The following KAZN variants were observed in gnomAD, a reference collection of about 807,000 sequenced individuals.
KAZN encodes the protein kazrin, periplakin interacting protein.
A neutral mutation model predicts 87.4 loss-of-function variants in KAZN; 40 were observed. That is an observed-to-expected ratio of 0.46 (90% CI 0.36 to 0.60). The LOEUF is 0.60. KAZN is among the 20% of genes least tolerant of loss of function. The pLI, the probability that KAZN is intolerant of heterozygous loss-of-function variation, is 0.00. For missense variants in KAZN, 898 were observed against 1,073.9 expected (o/e 0.84, Z 2.29); for synonymous variants, 466 against 458.3 (o/e 1.02, Z -0.22).
chr1:14,620,558 G>A (rs1033833452), intron 1 of KAZN, among the ~76,000 whole-genome samples: 6 of 152,224 alleles, frequency 3.9e-5, no homozygotes, highest in Non-Finnish European at 7.3e-5. Flanking sequence ...ATGTTGTCCA[G>A]AGGAGATTTG....
At chr1:14,057,676 G>A (rs763755932) in intron 1 of KAZN, among the ~76,000 whole-genome samples, 2 of 152,200 alleles carry the variant, frequency 1.3e-5, no homozygotes, top group Non-Finnish European at 2.9e-5. Context: ...TAGTTCCTAA[G>A]GCCCCGATAG....
chr1:14,137,395 C>G (rs1053791274), intron 1 of KAZN, among the ~76,000 whole-genome samples: 1 of 152,160 alleles, frequency 6.6e-6, no homozygotes, highest in African/African-American at 2.4e-5. Flanking sequence ...ATGGATCATC[C>G]ATCTACTGAC....
At chr1:14,210,922 C>T (rs1485617415) in intron 2 of KAZN, among the ~76,000 whole-genome samples, 2 of 151,928 alleles carry the variant, frequency 1.3e-5, no homozygotes, top group Admixed American at 6.6e-5. Context: ...GTCAATGTAG[C>T]CTCTGGAAAA....
intron 2 of KAZN, among the ~76,000 whole-genome samples, chr1:14,316,707 A>G (rs952272706): frequency 3.3e-5 from 5 of 151,958 alleles, no homozygotes; most frequent in Admixed American, 6.6e-5. Flanking sequence ...ATAAATCCCT[A>G]AATTTTGTAT....
At chr1:15,034,981 C>T (rs1175993648) in intron 3 of KAZN, 96 bp downstream of exon 3, 3 of 1,473,340 alleles carry the variant, frequency 2.0e-6, no homozygotes, top group Non-Finnish European at 2.8e-6. Flanking sequence ...CTCTTGAATC[C>T]CCAAACACAG....
At chr1:14,181,332 G>GC (rs1646193552) in intron 2 of KAZN, among the ~76,000 whole-genome samples, 1 of 152,142 alleles carries the variant, frequency 6.6e-6, no homozygotes, top group Non-Finnish European at 1.5e-5. Context: ...GTGTTCATTT[G>GC]CCCCGGGGAT....
chr1:14,623,460 C>T (rs1678870459), intron 1 of KAZN, among the ~76,000 whole-genome samples: 1 of 152,080 alleles, frequency 6.6e-6, no homozygotes, highest in Non-Finnish European at 1.5e-5. Context: ...GACACTGGGG[C>T]CTACCTGAGG....
intron 1 of KAZN, among the ~76,000 whole-genome samples, chr1:14,891,139 T>C (rs927384365): frequency 2.0e-5 from 3 of 152,082 alleles, no homozygotes; most frequent in Non-Finnish European, 4.4e-5. Context: ...CCACCGCGCC[T>C]GGCAGGAATC....
intron 1 of KAZN, among the ~76,000 whole-genome samples, chr1:14,086,780 G>A (rs1643869089): frequency 6.6e-6 from 1 of 152,082 alleles, no homozygotes; most frequent in Non-Finnish European, 1.5e-5. Flanking sequence ...ATATCCAATT[G>A]TTCGAGGATA....
In KAZN at chr1:14,701,882, C is replaced by A. The variant is rs956400681; in HGVS notation, c.226+102659C>A. ...ACTGGCTGCATTTCCTTACGCACTT[C>A]CCCTCCACCTCACCTACATGTATCT... On this transcript the variant is annotated intron_variant, in intron 1 of 14. Coordinates refer to ENST00000376030, the MANE Select transcript of KAZN (RefSeq NM_201628.3). Among the ~76,000 whole-genome samples, 5 of 152,324 alleles carry A rather than the reference C, an allele frequency of 3.3e-5. No homozygotes were observed. In the East Asian group the frequency reaches 9.7e-4, roughly 30 times the overall value.
At chr1:14,019,355 G>T (rs909588312) in intron 1 of KAZN, among the ~76,000 whole-genome samples, 1 of 152,146 alleles carries the variant, frequency 6.6e-6, no homozygotes, top group East Asian at 1.9e-4. Flanking sequence ...TGAGGAAAAG[G>T]CCATTCTTGG....
At chr1:14,251,959 C>A (rs950329747) in intron 2 of KAZN, among the ~76,000 whole-genome samples, 4 of 151,884 alleles carry the variant, frequency 2.6e-5, no homozygotes, top group Non-Finnish European at 4.4e-5. Context: ...CTCCTTGGAT[C>A]TTGTGGGGAG....
chr1:14,141,247 A>C lies in KAZN; in HGVS notation c.92-39188A>C, dbSNP rs967904369. Among the ~76,000 whole-genome samples the C allele has an allele frequency of 3.0e-4, 45 of 151,488 alleles. No individual in the cohort carries two copies. The South Asian group carries it at 4.8e-3, about 16-fold the overall frequency. On this transcript the variant is annotated intron_variant, in intron 1 of 16. Coordinates refer to the KAZN transcript ENST00000636203. The stretch of plus-strand genomic sequence containing the variant: ...AAGTGATTACCATTTAAAAAAAAAA[A>C]AAAAAACAAAACTAAAAATAGCTGC...
chr1:13,934,339 G>T (rs139903505), intron 1 of KAZN, among the ~76,000 whole-genome samples: 95 of 152,262 alleles, frequency 6.2e-4, no homozygotes, highest in African/African-American at 2.2e-3. Flanking sequence ...ACTCCCCGGG[G>T]AAGCGTCTGG....
In KAZN at chr1:14,062,718, C is replaced by A. The variant is rs541686435; in HGVS notation, c.92-117717C>A. 2.6e-5 allele frequency among the ~76,000 whole-genome samples: 4 copies of A among 152,172 alleles called. No homozygotes were observed. In the South Asian group the frequency reaches 8.3e-4, roughly 32 times the overall value. ...TGAAGGAGAATCAATAATCAAATGA[C>A]CGTCCAAATCAATCTTTAATTAAAA... is the stretch of plus-strand genomic sequence containing the variant. On this transcript the variant is annotated intron_variant, in intron 1 of 16. Coordinates refer to the KAZN transcript ENST00000636203.
intron 2 of KAZN, among the ~76,000 whole-genome samples, chr1:14,973,930 T>G (rs1187193196): frequency 6.6e-6 from 1 of 152,002 alleles, no homozygotes; most frequent in Non-Finnish European, 1.5e-5. Flanking sequence ...TCTCATGATC[T>G]TGTGAATCAG....
chr1:14,554,708 C>A lies in KAZN; in HGVS notation c.250-44275C>A, dbSNP rs954246802. Among the ~76,000 whole-genome samples the A allele has an allele frequency of 5.9e-5, 9 of 152,322 alleles. No homozygotes were observed. In the East Asian group the frequency reaches 1.7e-3, roughly 29 times the overall value. ...AGATCTGTATTGGAGTCCATGTTTT[C>A]ATGAGCAGGTAACCCTGTAAAATTA... On this transcript the variant is annotated intron_variant, in intron 2 of 16. Transcript: ENST00000636203.
Position 14,870,801 on chromosome 1 carries a change from G to A in KAZN, c.227-89883G>A, listed in dbSNP as rs550724536. 3.3e-5 allele frequency among the ~76,000 whole-genome samples: 5 copies of A among 152,324 alleles called. No homozygotes were observed. The South Asian group carries it at 1.0e-3, about 32-fold the overall frequency. On this transcript the variant is annotated intron_variant, in intron 1 of 14. Coordinates refer to ENST00000376030, the MANE Select transcript of KAZN (RefSeq NM_201628.3). ...AGGTTGTGTGGCACTATGTGTCACTGTGGCCACACTGTTCTCATTATTACA... is the reference window on the plus strand; with the variant it reads ...AGGTTGTGTGGCACTATGTGTCACTATGGCCACACTGTTCTCATTATTACA...
chr1:14,232,318 T>C lies in KAZN; in HGVS notation c.249+51726T>C, dbSNP rs144716004. Among the ~76,000 whole-genome samples, 204 of 152,238 alleles carry C rather than the reference T, an allele frequency of 1.3e-3. 1 individual carries two copies. Among genetic ancestry groups the C allele is most frequent in the African/African-American group, 4.7e-3 (197 of 41,548 alleles). ...GCGCAGGCAGTGGGGGATATAACAC[T>C]TCTGTTAAAATTTTTGAAATATTGA... On this transcript the variant is annotated intron_variant, in intron 2 of 16. Transcript: ENST00000636203.
Sources: gnomAD v4.1 joint callset for allele counts (sites outside exome capture counted in the v4.1 genomes callset) on GRCh38, gnomAD v4.1.1 for gene constraint, MANE v1.5 for transcripts, NCBI Gene and HGNC (gene_info 2026-07-23, HGNC 2026-07-21) for gene names.